Variants in KCNB2 observed in about 807,000 individuals in gnomAD.
The protein encoded by KCNB2 is potassium voltage-gated channel subfamily B member 2.
A neutral mutation model predicts 61.5 loss-of-function variants in KCNB2; 15 were observed. The observed-to-expected ratio is 0.24, with a 90% CI of 0.16 to 0.38. The LOEUF (loss-of-function observed/expected upper bound fraction) is 0.38, where lower values mean the gene tolerates loss of function less well. Ranked by LOEUF, KCNB2 falls within the 10% of genes least tolerant of loss-of-function variation. KCNB2 has a pLI of 1.00. For missense variants in KCNB2, 828 were observed against 1,125.2 expected, an observed-to-expected ratio of 0.74 and a Z score of 3.78; for synonymous variants, 457 against 446.0, an observed-to-expected ratio of 1.02 and a Z score of -0.31.
intron 2 of KCNB2, among the ~76,000 whole-genome samples, chr8:72,573,220 A>G (rs1443523216): frequency 6.6e-6 from 1 of 152,206 alleles, no homozygotes; most frequent in Non-Finnish European, 1.5e-5. Context: ...AAAAATACAT[A>G]ACATTCTCAT....
At chr8:72,788,183 G>T (rs569742093) in intron 2 of KCNB2, among the ~76,000 whole-genome samples, 4 of 152,112 alleles carry the variant, frequency 2.6e-5, no homozygotes, top group African/African-American at 7.2e-5. Context: ...TGTAACCCAG[G>T]TGCATTGGTC....
chr8:72,849,794 TATC>T lies in KCNB2; in HGVS notation c.580-86138_580-86136del, dbSNP rs560828217. Among the ~76,000 whole-genome samples, 235 of 152,314 alleles carry T rather than the reference TATC, an allele frequency of 1.5e-3. 1 individual carries two copies. The highest frequency in any genetic ancestry group is 6.8e-3 in the Middle Eastern group (2 of 294). On this transcript the variant is annotated intron_variant, in intron 2 of 2. Coordinates refer to ENST00000523207, the MANE Select transcript of KCNB2 (RefSeq NM_004770.3). ...GTGCAAGGTATCTGTGTCATCCTAT[TATC>T]ATTGCTCTGAAACATAAGGCTTGGG...
At chr8:72,565,665 ACAC>A (rs1563524656) in intron 1 of KCNB2, among the ~76,000 whole-genome samples, 9 of 150,616 alleles carry the variant, frequency 6.0e-5, no homozygotes, top group African/African-American at 2.2e-4. Flanking sequence ...CACACACAAC[ACAC>A]ACACACACAA....
intron 2 of KCNB2, among the ~76,000 whole-genome samples, chr8:72,726,521 T>A (rs969405196): frequency 2.6e-5 from 4 of 152,170 alleles, no homozygotes; most frequent in Non-Finnish European, 5.9e-5. Flanking sequence ...TATGTTTAAG[T>A]GAAAAGCCAG....
intron 2 of KCNB2, among the ~76,000 whole-genome samples, chr8:72,791,168 CAA>C (rs1808935674): frequency 6.6e-6 from 1 of 152,086 alleles, no homozygotes; most frequent in Admixed American, 6.6e-5. Flanking sequence ...AAGCTTCAGA[CAA>C]GAGAGATCTA....
chr8:72,897,274 TA>T (rs11379809), intron 2 of KCNB2, among the ~76,000 whole-genome samples: 1 of 150,492 alleles, frequency 6.6e-6, no homozygotes, highest in Admixed American at 6.6e-5. Context: ...CAAGTGAAAA[TA>T]AAAAAATTAT....
At chr8:72,709,272 T>A (rs1807284780) in intron 2 of KCNB2, among the ~76,000 whole-genome samples, 1 of 152,156 alleles carries the variant, frequency 6.6e-6, no homozygotes, top group Non-Finnish European at 1.5e-5. Flanking sequence ...CAAAAAATTT[T>A]TAAATTTACA....
chr8:72,826,005 CT>C (rs138938939), intron 2 of KCNB2, among the ~76,000 whole-genome samples: 4,476 of 152,202 alleles, frequency 0.029, 225 homozygotes, highest in African/African-American at 0.099. Flanking sequence ...ATTACCTTTT[CT>C]TTTAAGAGCT....
At chr8:72,704,102 G>T (rs1807178633) in intron 2 of KCNB2, among the ~76,000 whole-genome samples, 1 of 152,304 alleles carries the variant, frequency 6.6e-6, no homozygotes, top group African/African-American at 2.4e-5. Context: ...CAGTGACCAT[G>T]AAAAACAGAT....
At chr8:72,552,400 A>G (rs974562292) in intron 1 of KCNB2, among the ~76,000 whole-genome samples, 5 of 152,214 alleles carry the variant, frequency 3.3e-5, no homozygotes, top group Non-Finnish European at 7.3e-5. Flanking sequence ...CACATGAGCT[A>G]TTGAATATTT....
chr8:72,640,170 T>C (rs1257534111), intron 2 of KCNB2, among the ~76,000 whole-genome samples: 1 of 152,094 alleles, frequency 6.6e-6, no homozygotes, highest in Non-Finnish European at 1.5e-5. Context: ...TAGTGGACAG[T>C]GACTATTACT....
intron 2 of KCNB2, among the ~76,000 whole-genome samples, chr8:72,859,218 T>C (rs1387212143): frequency 6.6e-6 from 1 of 152,084 alleles, no homozygotes; most frequent in Non-Finnish European, 1.5e-5. Context: ...ATCTCACAGA[T>C]GGGGAAACAT....
Position 72,696,081 on chromosome 8 carries a change from G to C in KCNB2, c.579+127768G>C, listed in dbSNP as rs151319597. Among the ~76,000 whole-genome samples the C allele has an allele frequency of 2.0e-5, 3 of 152,338 alleles. No individual in the cohort carries two copies. The East Asian group carries it at 5.8e-4, about 29-fold the overall frequency. ...AGTCATCTATTGGAGGCAGATTGGT[G>C]TAACCTTGTCAGGAGACGAGATGAT... On this transcript the variant is annotated intron_variant, in intron 2 of 2. Transcript: ENST00000523207.
In KCNB2 at chr8:72,863,923, G is replaced by A. The variant is rs1171753824; in HGVS notation, c.580-72012G>A. Among the ~76,000 whole-genome samples the A allele has an allele frequency of 2.6e-5, 4 of 152,280 alleles. No individual in the cohort carries two copies. In the East Asian group the frequency reaches 5.8e-4, roughly 22 times the overall value. On this transcript the variant is annotated intron_variant, in intron 2 of 2. Coordinates refer to ENST00000523207, the MANE Select transcript of KCNB2 (RefSeq NM_004770.3). ...AGAGGCTGAGGTGGGAGGATCACTT[G>A]AGCCCAGGAGGCAGAGGTTGCAGTA...
chr8:72,548,774 C>T (rs1367477988), intron 1 of KCNB2, among the ~76,000 whole-genome samples: 4 of 152,190 alleles, frequency 2.6e-5, no homozygotes, highest in Non-Finnish European at 5.9e-5. Context: ...CTACTAGCTA[C>T]AGTGAAAGTT....
chr8:72,725,599 A>G (rs373454542), intron 2 of KCNB2, among the ~76,000 whole-genome samples: 56 of 58,188 alleles, frequency 9.6e-4, no homozygotes, highest in Admixed American at 1.2e-3. Flanking sequence ...ATGTATATAT[A>G]TATATATATA....
At chr8:72,664,916 A>G (rs555852568) in intron 2 of KCNB2, among the ~76,000 whole-genome samples, 2 of 152,328 alleles carry the variant, frequency 1.3e-5, no homozygotes, top group East Asian at 1.9e-4. Flanking sequence ...AACAGCAAAG[A>G]CAAAAGCCCG....
chr8:72,827,017 G>A lies in KCNB2; in HGVS notation c.580-108918G>A, dbSNP rs2919408. On this transcript the variant is annotated intron_variant, in intron 2 of 2. Coordinates refer to ENST00000523207, the MANE Select transcript of KCNB2 (RefSeq NM_004770.3). ...TGGTAAACATTTCTTTGCTATTATCGTCATCTTTTGACTGGCCAGTGTATT... is the reference window on the plus strand; with the variant it reads ...TGGTAAACATTTCTTTGCTATTATCATCATCTTTTGACTGGCCAGTGTATT... Among the ~76,000 whole-genome samples, 100,733 of 152,088 alleles carry A rather than the reference G, an allele frequency of 0.66. 33,613 individuals are homozygous for A. Among genetic ancestry groups the A allele is most frequent in the East Asian group, 0.91 (4,709 of 5,190 alleles).
At position 72,935,994 on chromosome 8, in the gene KCNB2, T is replaced by C. The variant is rs1479147939; in HGVS notation, c.639T>C (p.Asn213=). The C allele has an allele frequency of 6.2e-7, 1 of 1,614,062 alleles. No individual in the cohort carries two copies. The highest frequency in any genetic ancestry group is 1.7e-5 in the Admixed American group (1 of 60,008). The change falls in exon 3 of 3, where the codon AAT becomes AAC. Residue 213 remains asparagine, a synonymous_variant. Coordinates refer to ENST00000523207, the MANE Select transcript of KCNB2 (RefSeq NM_004770.3). ...TTTCCACCATTGCTTTGTCTCTCAA[T>C]ACGCTGCCGGAGCTGCAGGAAACGG... is the stretch of plus-strand genomic sequence containing the variant. ...IVLSTIALSL[N]TLPELQETDE... is the part of the protein sequence containing the mutation.
Sources: gnomAD v4.1 joint callset for allele counts (sites outside exome capture counted in the v4.1 genomes callset) on GRCh38, gnomAD v4.1.1 for gene constraint, MANE v1.5 for transcripts, NCBI Gene and HGNC (gene_info 2026-07-23, HGNC 2026-07-21) for gene names.